The following WWC2 variants were observed in gnomAD, a reference collection of about 807,000 sequenced individuals.
The protein encoded by WWC2 is protein WWC2.
In WWC2, 101 loss-of-function variants were observed where a neutral mutation model predicts 138.5. That is an observed-to-expected ratio of 0.73 (90% CI 0.62 to 0.86). The LOEUF is 0.86. Among genes scored for constraint, WWC2 ranks in the 40% least tolerant of loss-of-function variants. WWC2 has a pLI of 0.00. For synonymous variants in WWC2, 558 were observed against 538.4 expected (o/e 1.04, Z -0.50); for missense variants, 1,420 against 1,419.4 (o/e 1.00, Z -0.01).
At chr4:183,118,435 T>C (rs143140048) in intron 1 of WWC2, among the ~76,000 whole-genome samples, 1 of 152,320 alleles carries the variant, frequency 6.6e-6, no homozygotes, top group East Asian at 1.9e-4. Flanking sequence ...AAATATATTG[T>C]GTATCTGATT....
At chr4:183,221,266 C>T (rs1735928026) in intron 4 of WWC2, among the ~76,000 whole-genome samples, 1 of 152,140 alleles carries the variant, frequency 6.6e-6, no homozygotes, top group South Asian at 2.1e-4. Context: ...AAGATGTATG[C>T]ACATGCTAAC....
chr4:183,286,192 G>A, intron 20 of WWC2, 133 bp downstream of exon 20: 2 of 796,662 alleles, frequency 2.5e-6, no homozygotes, highest in East Asian at 2.8e-5. Context: ...CAGCCACTGG[G>A]ATACACAGAG....
At chr4:183,203,622 G>A (rs950726708) in intron 2 of WWC2, 2 of 151,984 alleles carry the variant, frequency 1.3e-5, no homozygotes, top group Non-Finnish European at 2.9e-5. Flanking sequence ...TGACATCAAG[G>A]GCTTAAAATC....
At chr4:183,307,390 A>T (rs1739057334) in intron 21 of WWC2, among the ~76,000 whole-genome samples, 1 of 152,144 alleles carries the variant, frequency 6.6e-6, no homozygotes, top group Non-Finnish European at 1.5e-5. Context: ...AACTTTATCA[A>T]CTCTCTGCAA....
intron 6 of WWC2, among the ~76,000 whole-genome samples, chr4:183,247,944 TATC>T (rs1211755392): frequency 2.0e-5 from 3 of 151,584 alleles, no homozygotes; most frequent in Non-Finnish European, 4.4e-5. Flanking sequence ...AATGGTTTCT[TATC>T]ATTTTATTAG....
intron 6 of WWC2, 40 bp from the exon 7 acceptor site, chr4:183,248,674 C>T: frequency 1.3e-6 from 2 of 1,528,320 alleles, no homozygotes; most frequent in Non-Finnish European, 1.8e-6. Context: ...TGCTGTCTTA[C>T]TTGTTAAGCT....
chr4:183,141,468 G>A (rs913430497), intron 1 of WWC2, among the ~76,000 whole-genome samples: 5 of 152,058 alleles, frequency 3.3e-5, no homozygotes, highest in East Asian at 3.9e-4. Context: ...AGGCTTCAAC[G>A]TATACATTTG....
intron 4 of WWC2, among the ~76,000 whole-genome samples, chr4:183,217,847 A>AATCAC (rs1735800044): frequency 6.6e-6 from 1 of 152,164 alleles, no homozygotes; most frequent in South Asian, 2.1e-4. Flanking sequence ...CAGGGGAGGA[A>AATCAC]ATCACAACAA....
At chr4:183,103,799 A>C (rs1743263656) in intron 1 of WWC2, among the ~76,000 whole-genome samples, 1 of 143,476 alleles carries the variant, frequency 7.0e-6, no homozygotes, top group African/African-American at 2.6e-5. Context: ...ATACCCAGAT[A>C]ATTTTTTTGT....
intron 4 of WWC2, among the ~76,000 whole-genome samples, chr4:183,222,791 C>G (rs909673246): frequency 6.6e-6 from 1 of 152,066 alleles, no homozygotes; most frequent in Non-Finnish European, 1.5e-5. Context: ...AAACCCATCT[C>G]TACTGTTAAT....
chr4:183,264,677 TGAAA>T (rs1281968853), intron 11 of WWC2, among the ~76,000 whole-genome samples: 1 of 152,130 alleles, frequency 6.6e-6, no homozygotes, highest in Non-Finnish European at 1.5e-5. Context: ...AGTGAATGCT[TGAAA>T]GAAAGAGACT....
chr4:183,246,051 A>G (rs983121091), intron 6 of WWC2, among the ~76,000 whole-genome samples: 2 of 152,116 alleles, frequency 1.3e-5, no homozygotes, highest in African/African-American at 4.8e-5. Flanking sequence ...CAGCTGGGGG[A>G]TGCCTATACA....
rs1580108966 is a variant in WWC2, at chr4:183,250,008, G to T, written c.953+15G>T. On this transcript the variant is annotated intron_variant, in intron 8 of 22. Coordinates refer to ENST00000403733, the MANE Select transcript of WWC2 (RefSeq NM_024949.6). ...GCCAAAAGAAGGTAATGACAGAGAA[G>T]CTGTTTTGTGCATGGCTCAAACATT... 6.2e-7 allele frequency: 1 copy of T among 1,608,708 alleles called. No individual in the cohort carries two copies. The highest frequency in any genetic ancestry group is 2.2e-5 in the East Asian group (1 of 44,836).
At chr4:183,132,374 A>G (rs1732952266) in intron 1 of WWC2, among the ~76,000 whole-genome samples, 1 of 152,014 alleles carries the variant, frequency 6.6e-6, no homozygotes, top group African/African-American at 2.4e-5. Flanking sequence ...AGGTTAAGGA[A>G]GTTCCCTTCT....
Position 183,248,553 on chromosome 4 carries a change from C to T in WWC2, c.733-161C>T, listed in dbSNP as rs187291304. On this transcript the variant is annotated intron_variant, in intron 6 of 22. Transcript: ENST00000403733. ...CATGTATGGAGGTGCAAAATTATAT[C>T]CTGCTGTTATTTTTTCAATTATATA... is the stretch of plus-strand genomic sequence containing the variant. Among the ~76,000 whole-genome samples the T allele has an allele frequency of 4.1e-4, 62 of 152,196 alleles. 1 individual carries two copies. The highest frequency in any genetic ancestry group is 1.5e-3 in the African/African-American group (62 of 41,526).
At chr4:183,174,252 A>G (rs1734392603) in intron 1 of WWC2, among the ~76,000 whole-genome samples, 2 of 152,194 alleles carry the variant, frequency 1.3e-5, no homozygotes, top group Non-Finnish European at 1.5e-5. Flanking sequence ...GTTTCTGCCC[A>G]GGTTGGGCAA....
chr4:183,199,368 A>G (rs745582679), intron 2 of WWC2, among the ~76,000 whole-genome samples: 14 of 152,158 alleles, frequency 9.2e-5, no homozygotes, highest in Non-Finnish European at 1.9e-4. Context: ...TTTGTCTCTA[A>G]ACTGCCATGG....
chr4:183,254,788 G>A (rs1204534976), intron 9 of WWC2, among the ~76,000 whole-genome samples: 3 of 152,132 alleles, frequency 2.0e-5, no homozygotes, highest in African/African-American at 7.2e-5. Context: ...CTGTTTCAGG[G>A]TGATGGGAAA....
chr4:183,293,283 T>TA (rs2111084157), intron 21 of WWC2, among the ~76,000 whole-genome samples: 1 of 152,220 alleles, frequency 6.6e-6, no homozygotes, highest in African/African-American at 2.4e-5. Context: ...AACAGTGAAT[T>TA]AAAAAAATAC....
Sources: gnomAD v4.1 joint callset for allele counts (sites outside exome capture counted in the v4.1 genomes callset) on GRCh38, gnomAD v4.1.1 for gene constraint, MANE v1.5 for transcripts, NCBI Gene and HGNC (gene_info 2026-07-23, HGNC 2026-07-21) for gene names.